Variants in TCAIM observed in about 807,000 individuals in gnomAD.
TCAIM encodes the protein T-cell activation inhibitor, mitochondrial.
In TCAIM, 36 loss-of-function variants were observed where a neutral mutation model predicts 58.6. The observed-to-expected ratio is 0.61, with a 90% CI of 0.47 to 0.81. TCAIM has a LOEUF of 0.81. Ranked by LOEUF, TCAIM falls within the 30% of genes least tolerant of loss-of-function variation. The pLI is 0.00. For synonymous variants in TCAIM, 172 were observed against 193.6 expected, an observed-to-expected ratio of 0.89 and a Z score of 0.93; for missense variants, 466 against 579.6, an observed-to-expected ratio of 0.80 and a Z score of 2.01.
At chr3:44,370,380 G>C (rs140114888) in intron 5 of TCAIM, among the ~76,000 whole-genome samples, 1 of 151,554 alleles carries the variant, frequency 6.6e-6, no homozygotes, top group East Asian at 2.0e-4. Context: ...CGCTTGAACC[G>C]GGGAGGTGGA....
At chr3:44,366,339 GTGCAGTGGTACAATCTCGGCTCAC>G (rs1701373310) in intron 4 of TCAIM, among the ~76,000 whole-genome samples, 1 of 151,428 alleles carries the variant, frequency 6.6e-6, no homozygotes, top group Non-Finnish European at 1.5e-5. Flanking sequence ...CCAGGCTAGA[GTGCAGTGGTACAATCTCGGCTCAC>G]TGCAACCTCC....
intron 5 of TCAIM, among the ~76,000 whole-genome samples, chr3:44,382,082 C>G (rs1482640698): frequency 6.6e-6 from 1 of 152,144 alleles, no homozygotes; most frequent in Non-Finnish European, 1.5e-5. Flanking sequence ...CAATCCCTAT[C>G]AAAAGCCTGA....
Position 44,363,993 on chromosome 3 carries a change from A to G in TCAIM, c.319+2475A>G, listed in dbSNP as rs531893044. Reference sequence around the variant, plus strand: ...TGCCAGGTTGGAGTGCAGTGGTGCAATCTTGGCTCACTGCAACCTCTGCCT... The same window carrying G: ...TGCCAGGTTGGAGTGCAGTGGTGCAGTCTTGGCTCACTGCAACCTCTGCCT... On this transcript the variant is annotated intron_variant, in intron 4 of 10. Transcript: ENST00000342649. 2.2e-4 allele frequency among the ~76,000 whole-genome samples: 29 copies of G among 134,692 alleles called. No individual in the cohort carries two copies. The East Asian group carries it at 6.0e-3, about 28-fold the overall frequency. 88.4% of individuals were successfully genotyped at this position (134,692 alleles called of 152,430 possible).
intron 10 of TCAIM, among the ~76,000 whole-genome samples, chr3:44,401,697 T>C (rs575021888): frequency 6.6e-6 from 1 of 152,356 alleles, no homozygotes; most frequent in East Asian, 1.9e-4. Context: ...AAGAACTTTA[T>C]CTGTATCTTG....
chr3:44,372,686 C>T (rs542479189), intron 5 of TCAIM, among the ~76,000 whole-genome samples: 304 of 151,970 alleles, frequency 2.0e-3, no homozygotes, highest in African/African-American at 5.8e-3. Context: ...CTCCGCCTCC[C>T]GGGTTCACAC....
At chr3:44,378,774 G>A (rs1415119848) in intron 5 of TCAIM, among the ~76,000 whole-genome samples, 4 of 149,076 alleles carry the variant, frequency 2.7e-5, no homozygotes, top group East Asian at 3.9e-4. Context: ...TCACTCCACG[G>A]CAACAGAGCG....
intron 5 of TCAIM, among the ~76,000 whole-genome samples, chr3:44,381,396 A>G (rs1370842321): frequency 1.3e-5 from 2 of 152,194 alleles, no homozygotes; most frequent in Admixed American, 1.3e-4. Context: ...ATCATGATGC[A>G]TGATCTAGAA....
intron 8 of TCAIM, among the ~76,000 whole-genome samples, chr3:44,399,940 A>G (rs891977676): frequency 6.6e-6 from 1 of 152,192 alleles, no homozygotes; most frequent in Non-Finnish European, 1.5e-5. Context: ...TATTGCACTT[A>G]ATTGTATTTA....
intron 3 of TCAIM, chr3:44,359,954 T>C (rs911574535): frequency 2.0e-5 from 3 of 152,218 alleles, no homozygotes; most frequent in Non-Finnish European, 2.9e-5. Context: ...TCCTCCTTTG[T>C]GTCAAGCCCT....
At chr3:44,357,922 A>C (rs762345854) in intron 3 of TCAIM, 46 bp downstream of exon 3, 1 of 1,596,186 alleles carries the variant, frequency 6.3e-7, no homozygotes, top group Non-Finnish European at 8.5e-7. Context: ...ATTTCTGCTT[A>C]TTTACCTTTG....
chr3:44,374,286 C>CTTTTTTTTTTTTTT (rs753252645), intron 5 of TCAIM, among the ~76,000 whole-genome samples: 1 of 119,870 alleles, frequency 8.3e-6, no homozygotes, highest in Non-Finnish European at 1.8e-5. Flanking sequence ...GCTTTGCTTT[C>CTTTTTTTTTTTTTT]TTTTTTTTTT....
chr3:44,386,285 G>A (rs1024516106), intron 5 of TCAIM, among the ~76,000 whole-genome samples: 10 of 152,056 alleles, frequency 6.6e-5, no homozygotes, highest in African/African-American at 2.4e-4. Flanking sequence ...GAGGCCGAGT[G>A]GGAGGATTGC....
chr3:44,355,054 A>C (rs1701164931), intron 2 of TCAIM, among the ~76,000 whole-genome samples: 1 of 152,230 alleles, frequency 6.6e-6, no homozygotes. Context: ...AAGGAAAAAC[A>C]GATCAAGTTT....
chr3:44,370,411 A>G (rs1701446282), intron 5 of TCAIM, among the ~76,000 whole-genome samples: 2 of 148,562 alleles, frequency 1.3e-5, no homozygotes, highest in Admixed American at 1.4e-4. Context: ...AGCCAACATC[A>G]CGCCACTGCA....
intron 3 of TCAIM, 130 bp from the exon 4 acceptor site, chr3:44,361,235 A>G (rs1701290581): frequency 1.3e-6 from 1 of 793,184 alleles, no homozygotes; most frequent in African/African-American, 1.8e-5. Context: ...CCAAAGAGCT[A>G]TGAAATCCCA....
intron 1 of TCAIM, among the ~76,000 whole-genome samples, chr3:44,345,326 G>A (rs542984478): frequency 4.3e-4 from 65 of 152,036 alleles, no homozygotes; most frequent in Non-Finnish European, 7.9e-4. Context: ...GTCCAAATAA[G>A]AGAAGGAGAA....
intron 10 of TCAIM, among the ~76,000 whole-genome samples, chr3:44,403,045 G>T (rs1477009449): frequency 6.6e-6 from 1 of 152,148 alleles, no homozygotes. Flanking sequence ...GAGGTGGGCG[G>T]ATCACTTGAG....
chr3:44,379,619 G>T (rs769311403), intron 5 of TCAIM, among the ~76,000 whole-genome samples: 15 of 152,264 alleles, frequency 9.9e-5, no homozygotes, highest in Non-Finnish European at 1.9e-4. Context: ...AACTAATGCC[G>T]TGACAGAAAA....
intron 1 of TCAIM, among the ~76,000 whole-genome samples, chr3:44,351,226 T>G (rs1701081953): frequency 6.6e-6 from 1 of 152,136 alleles, no homozygotes; most frequent in Admixed American, 6.5e-5. Flanking sequence ...TGACCTCAGT[T>G]GATCCACCTC....
Sources: gnomAD v4.1 joint callset for allele counts (sites outside exome capture counted in the v4.1 genomes callset) on GRCh38, gnomAD v4.1.1 for gene constraint, MANE v1.5 for transcripts, NCBI Gene and HGNC (gene_info 2026-07-23, HGNC 2026-07-21) for gene names.